The following POU2F1 variants were observed in gnomAD, a reference collection of about 807,000 sequenced individuals.
POU2F1 encodes the protein POU class 2 homeobox 1.
In POU2F1, 16 loss-of-function variants were observed where a neutral mutation model predicts 84.9. The observed-to-expected ratio is 0.19, with a 90% CI of 0.13 to 0.29. The LOEUF (loss-of-function observed/expected upper bound fraction) is 0.29, where lower values mean the gene tolerates loss of function less well. Ranked by LOEUF, POU2F1 falls within the 10% of genes least tolerant of loss-of-function variation. POU2F1 has a pLI of 1.00. For synonymous variants in POU2F1, 368 were observed against 368.3 expected (o/e 1.00, Z 0.01); for missense variants, 738 against 942.6 (o/e 0.78, Z 2.84).
intron 1 of POU2F1, among the ~76,000 whole-genome samples, chr1:167,290,297 T>C (rs1040147280): frequency 6.6e-6 from 1 of 152,096 alleles, no homozygotes. Context: ...CTTGGGAGGC[T>C]GAGGTGAGAG....
intron 1 of POU2F1, among the ~76,000 whole-genome samples, chr1:167,261,796 T>C (rs1651589571): frequency 6.6e-6 from 1 of 152,214 alleles, no homozygotes; most frequent in Admixed American, 6.5e-5. Flanking sequence ...ACGATTCTCA[T>C]ACCTCAGCCT....
chr1:167,228,574 A>G (rs1187478154), intron 1 of POU2F1, among the ~76,000 whole-genome samples: 1 of 152,174 alleles, frequency 6.6e-6, no homozygotes, highest in Non-Finnish European at 1.5e-5. Context: ...TGGACACTGA[A>G]TTGTCTAATT....
At chr1:167,351,018 G>A (rs990807353) in intron 2 of POU2F1, among the ~76,000 whole-genome samples, 1 of 151,738 alleles carries the variant, frequency 6.6e-6, no homozygotes, top group Non-Finnish European at 1.5e-5. Flanking sequence ...AGTATTATCT[G>A]TGTTTTAATT....
chr1:167,222,403 C>T (rs935958351), intron 1 of POU2F1, among the ~76,000 whole-genome samples: 6 of 152,138 alleles, frequency 3.9e-5, no homozygotes, highest in African/African-American at 1.4e-4. Flanking sequence ...GTAATTCAGA[C>T]CTTTAATAAC....
chr1:167,402,808 T>C (rs1268735778), intron 13 of POU2F1, among the ~76,000 whole-genome samples: 2 of 152,234 alleles, frequency 1.3e-5, no homozygotes, highest in African/African-American at 4.8e-5. Flanking sequence ...GCACCAAGAA[T>C]GTGAAGAACC....
chr1:167,414,658 C>T, intron 15 of POU2F1: 1 of 985,310 alleles, frequency 1.0e-6, no homozygotes, highest in Non-Finnish European at 1.2e-6. Context: ...GAAAATTTCT[C>T]ACCCATTAAA....
In POU2F1 at chr1:167,413,031, C is replaced by T; in HGVS notation, c.1907C>T (p.Ala636Val). Reference protein sequence around the residue: ...MAPSQFAAGGALLSLNPGTLS... With the variant: ...MAPSQFAAGGVLLSLNPGTLS... ...CTCCTCTTTTGGACTTGCAGAGGTG[C>T]CTTACTCAGTCTGAATCCAGGGACC... Residue 636 changes from alanine (A) to valine (V), a missense_variant, in exon 15 of 16, where the codon GCC becomes GTC. By Grantham distance (64) the Ala-to-Val change is moderately conservative. This residue lies in a region of POU2F1 where 319 missense variants were observed against 386.0 expected (regional missense o/e 0.83). Coordinates refer to ENST00000367866, the MANE Select transcript of POU2F1 (RefSeq NM_002697.4). 2 of 1,613,650 alleles carry T rather than the reference C, an allele frequency of 1.2e-6. No individual in the cohort carries two copies. The highest frequency in any genetic ancestry group is 1.7e-6 in the Non-Finnish European group (2 of 1,179,576).
At chr1:167,261,363 T>C (rs1341107859) in intron 1 of POU2F1, among the ~76,000 whole-genome samples, 7 of 152,236 alleles carry the variant, frequency 4.6e-5, no homozygotes, top group Non-Finnish European at 1.0e-4. Flanking sequence ...GTCTGGATTT[T>C]TCATGTGTGC....
At chr1:167,237,182 C>T (rs937231902) in intron 1 of POU2F1, among the ~76,000 whole-genome samples, 2 of 152,160 alleles carry the variant, frequency 1.3e-5, no homozygotes, top group East Asian at 3.8e-4. Context: ...ATTGTAAAGT[C>T]TGTCAGTGGT....
At chr1:167,276,831 A>C (rs1235400832) in intron 1 of POU2F1, among the ~76,000 whole-genome samples, 1 of 152,198 alleles carries the variant, frequency 6.6e-6, no homozygotes, top group Non-Finnish European at 1.5e-5. Flanking sequence ...ATGGAGAAGA[A>C]AGAAATGAGT....
intron 1 of POU2F1, among the ~76,000 whole-genome samples, chr1:167,277,990 G>A (rs1432318407): frequency 6.6e-6 from 1 of 152,000 alleles, no homozygotes; most frequent in Non-Finnish European, 1.5e-5. Flanking sequence ...AATTTGTTCT[G>A]TACACTGAAG....
chr1:167,276,571 G>A (rs1015197736), intron 1 of POU2F1, among the ~76,000 whole-genome samples: 2 of 152,134 alleles, frequency 1.3e-5, no homozygotes, highest in African/African-American at 4.8e-5. Flanking sequence ...TAGAAGAAGA[G>A]TTTGATTTTT....
intron 1 of POU2F1, among the ~76,000 whole-genome samples, chr1:167,231,687 C>G (rs559554494): frequency 7.2e-5 from 11 of 152,132 alleles, no homozygotes; most frequent in African/African-American, 2.7e-4. Context: ...TTGGGGAAAT[C>G]ATATGTTAAA....
intron 4 of POU2F1, among the ~76,000 whole-genome samples, chr1:167,371,674 T>C (rs1660006966): frequency 6.6e-6 from 1 of 152,210 alleles, no homozygotes; most frequent in Non-Finnish European, 1.5e-5. Flanking sequence ...AAAAAATCTA[T>C]AAATTTGTGG....
At position 167,324,662 on chromosome 1, in the gene POU2F1, C is replaced by T. The variant is rs79536686; in HGVS notation, c.62-7808C>T. Among the ~76,000 whole-genome samples, 412 of 152,292 alleles carry T rather than the reference C, an allele frequency of 2.7e-3. 1 individual carries two copies. The highest frequency in any genetic ancestry group is 9.5e-3 in the African/African-American group (394 of 41,558). On this transcript the variant is annotated intron_variant, in intron 1 of 15. Coordinates refer to ENST00000367866, the MANE Select transcript of POU2F1 (RefSeq NM_002697.4). ...CATATTGTGCCTGAGTCCCCAACCC[C>T]CACCATACCTCGGCTCTCTGTTTAG...
chr1:167,290,921 C>T (rs2102532340), intron 1 of POU2F1, among the ~76,000 whole-genome samples: 1 of 152,048 alleles, frequency 6.6e-6, no homozygotes, highest in South Asian at 2.1e-4. Flanking sequence ...TGGCATGTGC[C>T]TATAATCCCA....
At chr1:167,403,408 C>T (rs1291548402) in intron 13 of POU2F1, among the ~76,000 whole-genome samples, 2 of 152,150 alleles carry the variant, frequency 1.3e-5, no homozygotes, top group East Asian at 1.9e-4. Context: ...TTTAAGCTGC[C>T]GAATTTGTGT....
intron 6 of POU2F1, among the ~76,000 whole-genome samples, chr1:167,375,681 A>G (rs1660280166): frequency 6.6e-6 from 1 of 152,226 alleles, no homozygotes; most frequent in Non-Finnish European, 1.5e-5. Flanking sequence ...AGATCAATCA[A>G]ATATTTAAAA....
At chr1:167,413,166 T>TGTGTGTGTGTGA in intron 15 of POU2F1, 52 bp downstream of exon 15, 1 of 132,522 alleles carries the variant, frequency 7.5e-6, no homozygotes, top group Non-Finnish European at 1.1e-5. Context: ...TGTGTGAGTG[T>TGTGTGTGTGTGA]GTGTGTGTGT....
Sources: gnomAD v4.1 joint callset for allele counts (sites outside exome capture counted in the v4.1 genomes callset) on GRCh38, gnomAD v4.1.1 for gene constraint, gnomAD v4.1.1 regional missense constraint, MANE v1.5 for transcripts, NCBI Gene and HGNC (gene_info 2026-07-23, HGNC 2026-07-21) for gene names.